MRTFB: variants seen among roughly 807,000 people sequenced by gnomAD.
MRTFB encodes the protein myocardin related transcription factor B, also known as myocardin-related transcription factor B.
A neutral mutation model predicts 104.2 loss-of-function variants in MRTFB; 29 were observed. The observed-to-expected ratio is 0.28, with a 90% confidence interval of 0.21 to 0.38. MRTFB has a LOEUF of 0.38. Ranked by LOEUF, MRTFB falls within the 10% of genes least tolerant of loss-of-function variation. The probability of loss-of-function intolerance (pLI) is 1.00; values close to 1 mark genes in which losing one functional copy is unlikely to be tolerated. For missense variants in MRTFB, 1,270 were observed against 1,341.6 expected, an observed-to-expected ratio of 0.95 and a Z score of 0.83; for synonymous variants, 535 against 519.5, an observed-to-expected ratio of 1.03 and a Z score of -0.41.
intron 2 of MRTFB, among the ~76,000 whole-genome samples, chr16:14,085,570 A>G (rs2034658651): frequency 6.6e-6 from 1 of 152,046 alleles, no homozygotes; most frequent in South Asian, 2.1e-4. Flanking sequence ...ATTGTTGACC[A>G]TATACCACCA....
At chr16:14,022,435 T>C in the MRTFB span, among the ~76,000 whole-genome samples, 1 of 152,236 alleles carries the variant, frequency 6.6e-6, no homozygotes, top group Non-Finnish European at 1.5e-5. Flanking sequence ...TCTTGCTCTG[T>C]CACCAGGCTA....
chr16:14,135,729 C>T (rs2037679014), intron 2 of MRTFB, among the ~76,000 whole-genome samples: 1 of 152,166 alleles, frequency 6.6e-6, no homozygotes, highest in East Asian at 1.9e-4. Flanking sequence ...AATACAAAAT[C>T]AATCATATCA....
intron 1 of MRTFB, among the ~76,000 whole-genome samples, chr16:14,077,729 G>A (rs1245534767): frequency 6.6e-6 from 1 of 152,100 alleles, no homozygotes; most frequent in Admixed American, 6.5e-5. Context: ...GAGAAAACGT[G>A]TGAAACTCAT....
At chr16:14,121,838 G>A (rs1471655955) in intron 2 of MRTFB, among the ~76,000 whole-genome samples, 1 of 152,146 alleles carries the variant, frequency 6.6e-6, no homozygotes, top group Non-Finnish European at 1.5e-5. Context: ...ATATGTGGCC[G>A]TCAAGCCCTT....
chr16:14,034,037 G>T, the MRTFB span, among the ~76,000 whole-genome samples: 5 of 152,076 alleles, frequency 3.3e-5, no homozygotes, highest in Non-Finnish European at 5.9e-5. Flanking sequence ...CAGGTTGTCC[G>T]CTCCCGCCCT....
At chr16:14,013,867 A>C in the MRTFB span, among the ~76,000 whole-genome samples, 2 of 152,142 alleles carry the variant, frequency 1.3e-5, no homozygotes, top group Non-Finnish European at 2.9e-5. Flanking sequence ...CGCAGGTCTC[A>C]CTCACTGGAG....
chr16:14,049,195 G>A, the MRTFB span, among the ~76,000 whole-genome samples: 1 of 152,198 alleles, frequency 6.6e-6, no homozygotes, highest in Non-Finnish European at 1.5e-5. Flanking sequence ...AGTGCCAATA[G>A]TGCTGAGGTT....
Position 14,097,121 on chromosome 16 carries a change from A to T in MRTFB, c.-64+17767A>T, listed in dbSNP as rs894831897. Among the ~76,000 whole-genome samples the T allele has an allele frequency of 6.6e-5, 10 of 152,334 alleles. 1 individual carries two copies. The East Asian group carries it at 1.3e-3, about 21-fold the overall frequency. On this transcript the variant is annotated intron_variant, in intron 2 of 16. Transcript: ENST00000571589. ...AAATGCAATGATTATGACCTTATAAATTATTCTAAGAGGAGATGCAGAGTG... is the reference window on the plus strand; with the variant it reads ...AAATGCAATGATTATGACCTTATAATTTATTCTAAGAGGAGATGCAGAGTG...
intron 3 of MRTFB, among the ~76,000 whole-genome samples, chr16:14,184,072 T>TAAAA (rs71757134): frequency 0.066 from 7,981 of 121,542 alleles, 466 homozygotes; most frequent in East Asian, 0.27. Flanking sequence ...TCCTGAAATT[T>TAAAA]AAAAAAAAAA....
chr16:14,023,612 T>C, the MRTFB span, among the ~76,000 whole-genome samples: 69 of 48,086 alleles, frequency 1.4e-3, no homozygotes, highest in East Asian at 7.9e-3. Flanking sequence ...CACACACACA[T>C]ACATATACAT....
intron 3 of MRTFB, among the ~76,000 whole-genome samples, chr16:14,166,738 C>T (rs1443684709): frequency 6.6e-6 from 1 of 151,820 alleles, no homozygotes; most frequent in African/African-American, 2.4e-5. Context: ...TCAGCTCCCA[C>T]CTATAAGTGA....
chr16:14,195,440 G>C, intron 3 of MRTFB: 1 of 706,592 alleles, frequency 1.4e-6, no homozygotes, highest in Non-Finnish European at 1.7e-6. Context: ...ATATACATAG[G>C]TATATGTACA....
intron 3 of MRTFB, among the ~76,000 whole-genome samples, chr16:14,176,733 G>A (rs141289723): frequency 6.6e-6 from 1 of 152,300 alleles, no homozygotes. Context: ...AGTAGAGAGA[G>A]CTATTGAGTG....
intron 2 of MRTFB, among the ~76,000 whole-genome samples, chr16:14,085,305 A>C (rs1037648051): frequency 2.6e-5 from 4 of 151,240 alleles, no homozygotes; most frequent in African/African-American, 9.7e-5. Context: ...AAAATACAAA[A>C]AATTAGCCAG....
intron 3 of MRTFB, among the ~76,000 whole-genome samples, chr16:14,174,057 T>A (rs1783560555): frequency 6.6e-6 from 1 of 152,214 alleles, no homozygotes; most frequent in African/African-American, 2.4e-5. Flanking sequence ...TTATGGAACT[T>A]GTTTTCCCTG....
rs1001146338 is a variant in MRTFB at position 14,262,540 on chromosome 16, G to A, written c.*1096G>A. 3.3e-5 allele frequency: 5 copies of A among 152,312 alleles called. No individual in the cohort carries two copies. The highest frequency in any genetic ancestry group is 2.0e-4 in the Admixed American group (3 of 15,306). 9.4% of individuals were successfully genotyped at this position (152,312 alleles called of 1,614,324 possible). A position where few individuals can be genotyped will look rare whatever the true frequency, so the allele number is the denominator to read the frequency against. On this transcript the variant is annotated 3_prime_UTR_variant, in exon 17 of 17. Coordinates refer to ENST00000571589, the MANE Select transcript of MRTFB (RefSeq NM_001308142.2). ...ATTGTGCCACAAGGTGGGCCTCCAC[G>A]TCCCTGCCCTGGCCCTCTTTCTTCT...
At chr16:14,036,188 A>C in the MRTFB span, among the ~76,000 whole-genome samples, 1 of 123,406 alleles carries the variant, frequency 8.1e-6, no homozygotes, top group Non-Finnish European at 1.6e-5. Context: ...ATTATATAAA[A>C]TACATTATAT....
chr16:14,109,996 C>T (rs968780468), intron 2 of MRTFB, among the ~76,000 whole-genome samples: 11 of 152,152 alleles, frequency 7.2e-5, no homozygotes, highest in African/African-American at 9.7e-5. Context: ...AAAAGGAAAC[C>T]ATAAGGGTCA....
rs913544652 is a variant in MRTFB at position 14,264,447 on chromosome 16, A to G, written c.*3003A>G. ...AGCAAAGCATCCACTAGGAAACCTC[A>G]TAGGACAGTGTTAGTGGTTCACGTT... On this transcript the variant is annotated 3_prime_UTR_variant, in exon 17 of 17. Transcript: ENST00000571589. 1.3e-5 allele frequency: 2 copies of G among 152,220 alleles called. No homozygotes were observed. The highest frequency in any genetic ancestry group is 2.9e-5 in the Non-Finnish European group (2 of 68,044). 9.4% of individuals were successfully genotyped at this position (152,220 alleles called of 1,614,324 possible). A position where few individuals can be genotyped will look rare whatever the true frequency, so the allele number is the denominator to read the frequency against.
Sources: allele counts gnomAD v4.1 joint callset (sites outside exome capture counted in the v4.1 genomes callset), GRCh38; gene constraint gnomAD v4.1.1; transcripts MANE v1.5; gene names NCBI Gene and HGNC (gene_info 2026-07-23, HGNC 2026-07-21).